Variants in KCTD8 observed in about 807,000 individuals in gnomAD.
KCTD8 encodes potassium channel tetramerization domain containing 8.
In KCTD8, 27 loss-of-function variants were observed where a neutral mutation model predicts 31.5. That is an observed-to-expected ratio of 0.86 (90% CI 0.63 to 1.18). The LOEUF (loss-of-function observed/expected upper bound fraction) is 1.18, where lower values mean the gene tolerates loss of function less well. KCTD8 is among the 50% of genes most tolerant of loss of function. The pLI is 0.00. For missense variants in KCTD8, 658 were observed against 647.7 expected (o/e 1.02, Z -0.17); for synonymous variants, 290 against 280.0 (o/e 1.04, Z -0.36).
chr4:44,329,664 C>T (rs906370001), intron 1 of KCTD8, among the ~76,000 whole-genome samples: 2 of 151,578 alleles, frequency 1.3e-5, no homozygotes, highest in African/African-American at 2.4e-5. Flanking sequence ...ACATGAGTAC[C>T]CAAGACAAAC....
intron 1 of KCTD8, among the ~76,000 whole-genome samples, chr4:44,187,844 A>C (rs1401944361): frequency 6.6e-6 from 1 of 152,118 alleles, no homozygotes; most frequent in Non-Finnish European, 1.5e-5. Context: ...ATGAACATAA[A>C]ACCACGCTGG....
chr4:44,411,357 A>AAT (rs1193610117), intron 1 of KCTD8, among the ~76,000 whole-genome samples: 1 of 148,022 alleles, frequency 6.8e-6, no homozygotes, highest in Non-Finnish European at 1.5e-5. Context: ...CAACTTGACC[A>AAT]ATAGAGTGAG....
intron 1 of KCTD8, among the ~76,000 whole-genome samples, chr4:44,262,321 C>G (rs1716204103): frequency 6.6e-6 from 1 of 151,860 alleles, no homozygotes. Flanking sequence ...AACAAATGGA[C>G]CCATTGTGAG....
chr4:44,228,051 C>T (rs139679570), intron 1 of KCTD8, among the ~76,000 whole-genome samples: 1 of 152,278 alleles, frequency 6.6e-6, no homozygotes, highest in African/African-American at 2.4e-5. Context: ...AGACTCCTTA[C>T]CATTGCAGTC....
intron 1 of KCTD8, among the ~76,000 whole-genome samples, chr4:44,179,656 T>C (rs962812639): frequency 6.6e-6 from 1 of 151,770 alleles, no homozygotes; most frequent in African/African-American, 2.4e-5. Context: ...TGCTTGGCTT[T>C]ATTTTGTGTA....
At position 44,320,170 on chromosome 4, in the gene KCTD8, C is replaced by CAAAAAAAA. The variant is rs35250421; in HGVS notation, c.961+127385_961+127392dup. ...TGGGTGACAGAGCAAGCCTCCATCT[C>CAAAAAAAA]AAAAAAAAAAAAAAAAAAAAAAAAA... On this transcript the variant is annotated intron_variant, in intron 1 of 1. Transcript: ENST00000360029. Among the ~76,000 whole-genome samples, 19 of 31,918 alleles carry CAAAAAAAA rather than the reference C, an allele frequency of 6.0e-4. 1 individual carries two copies. The highest frequency in any genetic ancestry group is 1.3e-3 in the Admixed American group (3 of 2,238). The allele number at this position is 31,918 out of a possible 152,430, so 20.9% of individuals were successfully genotyped here.
intron 1 of KCTD8, among the ~76,000 whole-genome samples, chr4:44,255,849 G>A (rs931394609): frequency 1.3e-5 from 2 of 151,832 alleles, no homozygotes; most frequent in African/African-American, 4.8e-5. Flanking sequence ...ATCTTAAACA[G>A]GACACACAGG....
intron 1 of KCTD8, among the ~76,000 whole-genome samples, chr4:44,262,366 G>T (rs1012941802): frequency 6.6e-6 from 1 of 151,890 alleles, no homozygotes; most frequent in African/African-American, 2.4e-5. Context: ...CTCTCTCCAT[G>T]GTAATGATCC....
At chr4:44,331,580 G>T (rs953364288) in intron 1 of KCTD8, among the ~76,000 whole-genome samples, 1 of 151,288 alleles carries the variant, frequency 6.6e-6, no homozygotes, top group African/African-American at 2.4e-5. Context: ...AACAAAACTC[G>T]TTACCATTTT....
intron 1 of KCTD8, among the ~76,000 whole-genome samples, chr4:44,352,556 A>G (rs918956574): frequency 4.5e-4 from 66 of 147,564 alleles, no homozygotes; most frequent in Admixed American, 2.2e-3. Context: ...TGTATATTAT[A>G]TATTAAAATT....
chr4:44,214,044 A>C (rs993384342), intron 1 of KCTD8, among the ~76,000 whole-genome samples: 3 of 152,076 alleles, frequency 2.0e-5, no homozygotes, highest in African/African-American at 7.2e-5. Flanking sequence ...TTCACCATAC[A>C]TTTCTTCCCT....
chr4:44,259,075 T>A (rs2109364736), intron 1 of KCTD8, among the ~76,000 whole-genome samples: 1 of 152,060 alleles, frequency 6.6e-6, no homozygotes, highest in East Asian at 1.9e-4. Flanking sequence ...TTAGGAAACT[T>A]GTCTTGGAAG....
intron 1 of KCTD8, among the ~76,000 whole-genome samples, chr4:44,256,408 C>G (rs1715996602): frequency 6.6e-6 from 1 of 151,688 alleles, no homozygotes; most frequent in Admixed American, 6.6e-5. Flanking sequence ...ATATAAAAAG[C>G]TTATAGAAAA....
intron 1 of KCTD8, among the ~76,000 whole-genome samples, chr4:44,207,914 G>T (rs573232246): frequency 6.6e-6 from 1 of 152,170 alleles, no homozygotes; most frequent in Non-Finnish European, 1.5e-5. Context: ...CTGCTGAGTT[G>T]CTAGCAATAT....
intron 1 of KCTD8, among the ~76,000 whole-genome samples, chr4:44,229,981 C>G (rs376427603): frequency 4.0e-5 from 6 of 151,876 alleles, no homozygotes; most frequent in Admixed American, 3.9e-4. Flanking sequence ...TCCCCCACCC[C>G]CTGACAGGCC....
intron 1 of KCTD8, among the ~76,000 whole-genome samples, chr4:44,262,001 G>T (rs1033108972): frequency 9.9e-5 from 15 of 152,024 alleles, no homozygotes; most frequent in Admixed American, 8.5e-4. Flanking sequence ...TTCAATGTTA[G>T]AAAGATGAGG....
chr4:44,264,299 A>C (rs1463834573), intron 1 of KCTD8, among the ~76,000 whole-genome samples: 1 of 152,314 alleles, frequency 6.6e-6, no homozygotes, highest in East Asian at 1.9e-4. Context: ...TATTTGGGTC[A>C]GAATTTAGTA....
At chr4:44,398,758 T>C (rs934154156) in intron 1 of KCTD8, among the ~76,000 whole-genome samples, 1 of 152,098 alleles carries the variant, frequency 6.6e-6, no homozygotes, top group African/African-American at 2.4e-5. Flanking sequence ...ATGAGCCAAC[T>C]ATGTGAAGAG....
intron 1 of KCTD8, among the ~76,000 whole-genome samples, chr4:44,324,888 T>A (rs577572182): frequency 6.6e-6 from 1 of 152,186 alleles, no homozygotes; most frequent in African/African-American, 2.4e-5. Context: ...AATTTCAGAC[T>A]GGCCTTATGT....
Sources: gnomAD v4.1 joint callset for allele counts (sites outside exome capture counted in the v4.1 genomes callset) on GRCh38, gnomAD v4.1.1 for gene constraint, MANE v1.5 for transcripts, NCBI Gene and HGNC (gene_info 2026-07-23, HGNC 2026-07-21) for gene names.